Variants in CACNA2D1 observed in about 807,000 individuals in gnomAD.
CACNA2D1 encodes the protein voltage-dependent calcium channel subunit alpha-2/delta-1.
In CACNA2D1, 53 loss-of-function variants were observed where a neutral mutation model predicts 171.5. The ratio of observed to expected loss-of-function variants is 0.31; its 90% CI spans 0.25 to 0.39. The LOEUF (loss-of-function observed/expected upper bound fraction) is 0.39, where lower values mean the gene tolerates loss of function less well. CACNA2D1 is among the 10% of genes least tolerant of loss of function. CACNA2D1 has a pLI of 1.00. For synonymous variants in CACNA2D1, 442 were observed against 443.1 expected (o/e 1.00, Z 0.03); for missense variants, 903 against 1,299.8 (o/e 0.69, Z 4.69).
At chr7:82,326,289 A>C (rs1203807058) in intron 3 of CACNA2D1, among the ~76,000 whole-genome samples, 1 of 152,168 alleles carries the variant, frequency 6.6e-6, no homozygotes, top group Non-Finnish European at 1.5e-5. Flanking sequence ...ATTTGCTTAT[A>C]TCAATTAGTC....
At chr7:82,351,327 TA>T (rs1348746528) in intron 1 of CACNA2D1, among the ~76,000 whole-genome samples, 1 of 151,332 alleles carries the variant, frequency 6.6e-6, no homozygotes, top group Non-Finnish European at 1.5e-5. Flanking sequence ...AAATATGGAA[TA>T]AAAATATAAC....
rs145897556 is a variant in CACNA2D1 at position 82,185,610 on chromosome 7, C to T, written c.295-15001G>A. 3.2e-3 allele frequency among the ~76,000 whole-genome samples: 440 copies of T among 138,506 alleles called. 3 individuals are homozygous for T. Among genetic ancestry groups the T allele is most frequent in the African/African-American group, 0.011 (417 of 38,232 alleles). The allele number at this position is 138,506 out of a possible 152,430, so 90.9% of individuals were successfully genotyped here. On this transcript the variant is annotated intron_variant, in intron 3 of 38. Coordinates refer to ENST00000356860, the MANE Select transcript of CACNA2D1 (RefSeq NM_000722.4). The stretch of plus-strand genomic sequence containing the variant: ...AAGTGCAGTGTAAGGGTAGGAATTC[C>T]TCTTCAGAAACTCAACTAACTGTTA...
intron 2 of CACNA2D1, among the ~76,000 whole-genome samples, chr7:82,344,775 G>T (rs545589315): frequency 1.3e-5 from 2 of 152,100 alleles, no homozygotes; most frequent in Non-Finnish European, 2.9e-5. Context: ...CATCGTTATG[G>T]TGCTGATTTA....
At chr7:82,023,869 T>C (rs143845297) in intron 12 of CACNA2D1, 44 of 151,986 alleles carry the variant, frequency 2.9e-4, no homozygotes, top group African/African-American at 1.0e-3. Flanking sequence ...TCTTCGAATC[T>C]ATGAAATTGA....
At chr7:82,388,953 T>C (rs1393362587) in intron 1 of CACNA2D1, among the ~76,000 whole-genome samples, 2 of 151,478 alleles carry the variant, frequency 1.3e-5, no homozygotes, top group Non-Finnish European at 2.9e-5. Flanking sequence ...CTGTCTCTAC[T>C]AAAAATACAA....
chr7:82,415,681 T>A (rs992544839), intron 1 of CACNA2D1, among the ~76,000 whole-genome samples: 4 of 152,126 alleles, frequency 2.6e-5, no homozygotes, highest in African/African-American at 9.7e-5. Flanking sequence ...ATTTTGTCTT[T>A]AGCTTAATGC....
At chr7:82,015,973 C>T (rs550737902) in intron 12 of CACNA2D1, among the ~76,000 whole-genome samples, 1 of 152,242 alleles carries the variant, frequency 6.6e-6, no homozygotes, top group East Asian at 1.9e-4. Flanking sequence ...CGTAAGAGGC[C>T]ACATGGTGAA....
chr7:82,040,485 GA>G (rs111654140), intron 10 of CACNA2D1, among the ~76,000 whole-genome samples: 4 of 139,584 alleles, frequency 2.9e-5, no homozygotes, highest in South Asian at 2.3e-4. Flanking sequence ...AAGGCTTCAG[GA>G]AAAAAAAATG....
chr7:82,352,711 T>C (rs981609133), intron 1 of CACNA2D1, among the ~76,000 whole-genome samples: 4 of 152,102 alleles, frequency 2.6e-5, no homozygotes, highest in Admixed American at 6.5e-5. Context: ...TATGAGACGG[T>C]TGATAGAAGA....
chr7:82,015,411 T>G (rs969860707), intron 12 of CACNA2D1, among the ~76,000 whole-genome samples: 1 of 152,162 alleles, frequency 6.6e-6, no homozygotes, highest in Non-Finnish European at 1.5e-5. Context: ...TATTGACTGT[T>G]CCTAACATGC....
intron 3 of CACNA2D1, among the ~76,000 whole-genome samples, chr7:82,277,981 A>G (rs879314784): frequency 2.0e-5 from 3 of 151,988 alleles, no homozygotes; most frequent in Non-Finnish European, 4.4e-5. Context: ...TCCTGACCTC[A>G]AGTGATCCAG....
At chr7:82,040,013 AAGAG>A (rs1803746923) in intron 10 of CACNA2D1, among the ~76,000 whole-genome samples, 1 of 152,214 alleles carries the variant, frequency 6.6e-6, no homozygotes, top group African/African-American at 2.4e-5. Flanking sequence ...CTGGAATTTT[AAGAG>A]TGCATCCTAG....
Position 82,124,396 on chromosome 7 carries a change from TCA to T in CACNA2D1, c.397-7225_397-7224del, listed in dbSNP as rs1790093313. Among the ~76,000 whole-genome samples the T allele has an allele frequency of 2.0e-5, 3 of 152,106 alleles. No homozygotes were observed. The South Asian group carries it at 6.2e-4, about 32-fold the overall frequency. ...CCCCTCCCACAACCAATCAGACTGG[TCA>T]CAGTCTTTATTTGCATAGGAGTGTA... On this transcript the variant is annotated intron_variant, in intron 5 of 38. Transcript: ENST00000356860.
chr7:82,007,196 AAG>A (rs1206371152), intron 16 of CACNA2D1, among the ~76,000 whole-genome samples: 1 of 152,144 alleles, frequency 6.6e-6, no homozygotes, highest in Admixed American at 6.6e-5. Flanking sequence ...TAGAAAAAAA[AAG>A]AGAAATATTA....
intron 38 of CACNA2D1, 93 bp downstream of exon 38, chr7:81,959,182 G>A (rs1444824425): frequency 2.7e-5 from 23 of 867,566 alleles, no homozygotes; most frequent in Non-Finnish European, 3.8e-5. Context: ...AAGACATTAC[G>A]TTTGAGTTAA....
intron 4 of CACNA2D1, among the ~76,000 whole-genome samples, chr7:82,138,474 T>A (rs1014861716): frequency 7.1e-6 from 1 of 141,568 alleles, no homozygotes; most frequent in Non-Finnish European, 1.5e-5. Context: ...TGAGACAGAG[T>A]GTCGCTGTGT....
At chr7:82,381,662 G>A (rs1044196443) in intron 1 of CACNA2D1, among the ~76,000 whole-genome samples, 1 of 151,662 alleles carries the variant, frequency 6.6e-6, no homozygotes, top group East Asian at 1.9e-4. Context: ...TTATGGCAGG[G>A]CTGTCTTTCT....
chr7:82,031,417 T>A (rs1802684858), intron 12 of CACNA2D1, among the ~76,000 whole-genome samples: 1 of 151,948 alleles, frequency 6.6e-6, no homozygotes, highest in Admixed American at 6.6e-5. Context: ...AGAATCTAGT[T>A]ATCACTTGAA....
In CACNA2D1 at chr7:82,014,487, A is replaced by C; in HGVS notation, c.1144-8T>G. On this transcript the variant is annotated splice_polypyrimidine_tract_variant and splice_region_variant and intron_variant, in intron 12 of 38. Transcript: ENST00000356860. ...AAACGTGAATACACGTACCTGGATG[A>C]ATTGAAAAATAGGTATTCATTAGGC... is the stretch of plus-strand genomic sequence containing the variant. The C allele has an allele frequency of 6.8e-7, 1 of 1,472,576 alleles. No individual in the cohort carries two copies. The highest frequency in any genetic ancestry group is 9.5e-7 in the Non-Finnish European group (1 of 1,051,088). The allele number at this position is 1,472,576 out of a possible 1,614,324, so 91.2% of individuals were successfully genotyped here.
Sources: gnomAD v4.1 joint callset for allele counts (sites outside exome capture counted in the v4.1 genomes callset) on GRCh38, gnomAD v4.1.1 for gene constraint, MANE v1.5 for transcripts, NCBI Gene and HGNC (gene_info 2026-07-23, HGNC 2026-07-21) for gene names.